The following SUN1 variants were observed in gnomAD, a reference collection of about 807,000 sequenced individuals.
SUN1 encodes the protein SUN domain-containing protein 1.
A neutral mutation model predicts 103.2 loss-of-function variants in SUN1; 61 were observed. The observed-to-expected ratio is 0.59, with a 90% CI of 0.48 to 0.73. The LOEUF is 0.73. Ranked by LOEUF, SUN1 falls within the 30% of genes least tolerant of loss-of-function variation. The pLI, the probability that SUN1 is intolerant of heterozygous loss-of-function variation, is 0.00. For synonymous variants in SUN1, 490 were observed against 425.7 expected (o/e 1.15, Z -1.86); for missense variants, 1,052 against 1,034.6 (o/e 1.02, Z -0.23).
chr7:832,018 A>T, upstream of SUN1: 1 of 987,402 alleles, frequency 1.0e-6, no homozygotes, highest in African/African-American at 1.7e-5. Context: ...TTCACCCTGC[A>T]GTTTCTTTTC....
chr7:862,840 A>G (rs1043109012), intron 15 of SUN1, among the ~76,000 whole-genome samples: 2 of 152,318 alleles, frequency 1.3e-5, no homozygotes, highest in South Asian at 4.1e-4. Flanking sequence ...TTAAAATCCC[A>G]TGGTTTTCCT....
At chr7:827,471 T>C (rs1363452325) in intron 1 of SUN1, among the ~76,000 whole-genome samples, 1 of 141,874 alleles carries the variant, frequency 7.0e-6, no homozygotes, top group South Asian at 2.4e-4. Flanking sequence ...AGTCCGTTTT[T>C]TTTTTTTTTT....
chr7:849,473 A>T, intron 5 of SUN1: 1 of 1,311,750 alleles, frequency 7.6e-7, no homozygotes, highest in Non-Finnish European at 1.0e-6. Flanking sequence ...GAAGCACTTG[A>T]GCTTGGCGTC....
At chr7:864,941 TC>T (rs1296127229) in intron 15 of SUN1, among the ~76,000 whole-genome samples, 2 of 151,670 alleles carry the variant, frequency 1.3e-5, no homozygotes, top group African/African-American at 4.8e-5. Flanking sequence ...ATTCTTTTTT[TC>T]TCTGGACCCA....
intron 11 of SUN1, among the ~76,000 whole-genome samples, chr7:855,368 G>A (rs1373227854): frequency 2.0e-5 from 3 of 152,334 alleles, no homozygotes; most frequent in Admixed American, 1.3e-4. Context: ...GGGGGATAAA[G>A]GACCTGAACC....
In SUN1 at chr7:853,530, A is replaced by G; in HGVS notation, c.1175A>G (p.Lys392Arg). The G allele has an allele frequency of 6.2e-7, 1 of 1,613,620 alleles. No homozygotes were observed. Among genetic ancestry groups the G allele is most frequent in the Admixed American group, 1.7e-5 (1 of 60,020 alleles). Residue 392 changes from lysine (K) to arginine (R), a missense_variant, in exon 10 of 19, where the codon AAG becomes AGG. Lys to Arg is a conservative substitution (Grantham distance 26). Around this residue, in one of 2 missense-constraint regions of SUN1, gnomAD observed 846 missense variants for 774.5 expected, o/e 1.09. Transcript: ENST00000401592. The part of the protein sequence containing the change: ...NLRELTTLLQ[K>R]LQARVDQMEG... ...CGAGAGCTGACCACTTTGCTACAGA[A>G]GCTGCAGGCTCGGGTGGACCAGATG...
intron 1 of SUN1, among the ~76,000 whole-genome samples, chr7:826,635 G>T (rs1792305945): frequency 6.6e-6 from 1 of 152,204 alleles, no homozygotes; most frequent in Admixed American, 6.5e-5. Context: ...TGTGACTGTT[G>T]TTTCAGGAGG....
At chr7:820,354 T>C (rs1220136213) in intron 1 of SUN1, among the ~76,000 whole-genome samples, 1 of 152,256 alleles carries the variant, frequency 6.6e-6, no homozygotes, top group Non-Finnish European at 1.5e-5. Context: ...ATGAATTGTT[T>C]TCCCAATTTC....
intron 5 of SUN1, chr7:849,857 A>G: frequency 2.0e-6 from 3 of 1,509,852 alleles, no homozygotes; most frequent in Non-Finnish European, 2.7e-6. Context: ...ATTGCTATGC[A>G]CGGCTGAGAT....
In SUN1 at chr7:832,488, T is replaced by C. The variant is rs1234290527; in HGVS notation, c.-37T>C. 2 of 1,598,814 alleles carry C rather than the reference T, an allele frequency of 1.3e-6. No homozygotes were observed. The highest frequency in any genetic ancestry group is 3.5e-5 in the Admixed American group (2 of 57,732). Reference sequence around the variant, plus strand: ...TGCCCGTTAAAACACTCTGCATTTCTTTCCCGCCCTCTGCAGTATGGTTTG... The same window carrying C: ...TGCCCGTTAAAACACTCTGCATTTCCTTCCCGCCCTCTGCAGTATGGTTTG... On this transcript the variant is annotated 5_prime_UTR_variant, in exon 1 of 19. Coordinates refer to ENST00000401592, the MANE Select transcript of SUN1 (RefSeq NM_001130965.3).
intron 1 of SUN1, among the ~76,000 whole-genome samples, chr7:822,125 A>G (rs777557541): frequency 1.3e-5 from 2 of 152,226 alleles, no homozygotes; most frequent in Non-Finnish European, 2.9e-5. Flanking sequence ...GGATAAAATA[A>G]ACTAGGAAGT....
rs149568210 is a variant in SUN1, at chr7:817,571, G to A, written c.-74+898G>A. On this transcript the variant is annotated intron_variant, in intron 1 of 17. Transcript: ENST00000389574. The stretch of plus-strand genomic sequence containing the variant: ...GTTGCTGCGTCTGGCTCTGATTCCG[G>A]GTGGGAAGCTGCCCATAATTGTGTC... 4.3e-4 allele frequency: 652 copies of A among 1,512,892 alleles called. 5 individuals carry two copies. The African/African-American group carries it at 7.7e-3, about 18-fold the overall frequency. The allele number at this position is 1,512,892 out of a possible 1,614,324, so 93.7% of individuals were successfully genotyped here. A position where few individuals can be genotyped will look rare whatever the true frequency, so the allele number is the denominator to read the frequency against.
upstream of SUN1, among the ~76,000 whole-genome samples, chr7:829,559 TG>T (rs1554260939): frequency 6.8e-6 from 1 of 146,702 alleles, no homozygotes; most frequent in African/African-American, 2.5e-5. Flanking sequence ...TTTTTTTTTT[TG>T]TTTTTTTTTT....
chr7:832,630 G>C, intron 1 of SUN1, 29 bp downstream of exon 1: 1 of 1,589,992 alleles, frequency 6.3e-7, no homozygotes, highest in Non-Finnish European at 8.6e-7. Context: ...GTGGGGTCCT[G>C]GCCTTGCAAT....
intron 1 of SUN1, among the ~76,000 whole-genome samples, chr7:823,062 G>T (rs1489115552): frequency 2.6e-5 from 4 of 152,284 alleles, no homozygotes; most frequent in African/African-American, 9.6e-5. Context: ...GCGTAGTCAG[G>T]TAAGGAGTAG....
chr7:828,322 A>G (rs1268850026), upstream of SUN1, among the ~76,000 whole-genome samples: 1 of 151,602 alleles, frequency 6.6e-6, no homozygotes, highest in Non-Finnish European at 1.5e-5. Flanking sequence ...CCCAGGCTGG[A>G]GTGCAGTGGT....
chr7:847,984 G>T (rs1272542344), intron 5 of SUN1, among the ~76,000 whole-genome samples: 1 of 149,084 alleles, frequency 6.7e-6, no homozygotes, highest in Non-Finnish European at 1.5e-5. Context: ...TCTCCTGGGG[G>T]TTACTCCGCA....
At chr7:831,504 T>G (rs993929969), upstream of SUN1, among the ~76,000 whole-genome samples, 8 of 152,138 alleles carry the variant, frequency 5.3e-5, no homozygotes, top group Admixed American at 5.2e-4. Context: ...TCTCCTGACC[T>G]CGTGATCCGC....
chr7:834,775 A>ATT (rs111510169), intron 1 of SUN1, among the ~76,000 whole-genome samples: 10 of 151,858 alleles, frequency 6.6e-5, no homozygotes, highest in Admixed American at 2.0e-4. Context: ...CTTTAATTAA[A>ATT]TTTTTTTTCT....
Sources: allele counts gnomAD v4.1 joint callset (sites outside exome capture counted in the v4.1 genomes callset), GRCh38; gene constraint gnomAD v4.1.1; regional missense constraint gnomAD v4.1.1; transcripts MANE v1.5; gene names NCBI Gene and HGNC (gene_info 2026-07-23, HGNC 2026-07-21).